Variants in VWF observed in about 807,000 individuals in gnomAD.
VWF encodes the protein von Willebrand factor, also known as Factor VIII related antigen.
Under a neutral mutation model 308.6 loss-of-function variants are expected in VWF, and 176 were observed. The observed-to-expected ratio is 0.57, with a 90% CI of 0.50 to 0.65. The LOEUF (loss-of-function observed/expected upper bound fraction) is 0.65, where lower values mean the gene tolerates loss of function less well. Ranked by LOEUF, VWF falls within the 30% of genes least tolerant of loss-of-function variation. The pLI, the probability that VWF is intolerant of heterozygous loss-of-function variation, is 0.00. For synonymous variants in VWF, 1,385 were observed against 1,443.4 expected, an observed-to-expected ratio of 0.96 and a Z score of 0.92; for missense variants, 3,146 against 3,648.2, an observed-to-expected ratio of 0.86 and a Z score of 3.55.
intron 16 of VWF, 67 bp downstream of exon 16, chr12:6,052,476 T>TG: frequency 6.2e-7 from 1 of 1,612,510 alleles, no homozygotes; most frequent in Non-Finnish European, 8.5e-7. Context: ...GTAAAGGACT[T>TG]GGGGGTCCCG....
intron 34 of VWF, among the ~76,000 whole-genome samples, chr12:5,998,407 A>G (rs1943830380): frequency 7.2e-6 from 1 of 138,814 alleles, no homozygotes. Flanking sequence ...CTGAGGCAGG[A>G]GACTGGCGTG....
rs555706036 is a variant in VWF at position 6,124,457 on chromosome 12, G to A, written c.-37C>T. 1 of 152,854 alleles carries A rather than the reference G, an allele frequency of 6.5e-6. No homozygotes were observed. The highest frequency in any genetic ancestry group is 2.1e-4 in the South Asian group (1 of 4,840). The allele number at this position is 152,854 out of a possible 1,614,324, so 9.5% of individuals were successfully genotyped here. ...AATGAGGGCTGCGGCTATCTCCAAG[G>A]TCCCTGGGAAACTCAGCTGCTGGAC... On this transcript the variant is annotated 5_prime_UTR_variant, in exon 1 of 52. Coordinates refer to ENST00000261405, the MANE Select transcript of VWF (RefSeq NM_000552.5).
chr12:6,073,410 G>A (rs887017157), intron 8 of VWF, among the ~76,000 whole-genome samples: 5 of 152,178 alleles, frequency 3.3e-5, no homozygotes, highest in South Asian at 2.1e-4. Flanking sequence ...ACACAAGTGC[G>A]TTCATGGATA....
At chr12:5,990,166 T>C (rs955241705) in intron 38 of VWF, among the ~76,000 whole-genome samples, 2 of 152,180 alleles carry the variant, frequency 1.3e-5, no homozygotes, top group South Asian at 4.1e-4. Context: ...TCACTATAAG[T>C]GACTATAAGT....
At chr12:6,013,384 G>A in intron 32 of VWF, 97 bp downstream of exon 32, 1 of 1,465,438 alleles carries the variant, frequency 6.8e-7, no homozygotes, top group Non-Finnish European at 9.5e-7. Context: ...TTATGCATGG[G>A]CACCCTGGGG....
At chr12:6,052,840 G>A in intron 15 of VWF, 57 bp from the exon 16 acceptor site, 1 of 1,580,988 alleles carries the variant, frequency 6.3e-7, no homozygotes, top group Non-Finnish European at 8.6e-7. Flanking sequence ...CAAGGACTGT[G>A]GTTCTAGGAC....
At chr12:6,000,459 A>T (rs1943858211) in intron 34 of VWF, among the ~76,000 whole-genome samples, 1 of 152,204 alleles carries the variant, frequency 6.6e-6, no homozygotes, top group African/African-American at 2.4e-5. Context: ...ATAGAAAAAC[A>T]GTTTTAAATA....
intron 16 of VWF, among the ~76,000 whole-genome samples, chr12:6,048,715 G>A (rs918576841): frequency 7.0e-6 from 1 of 142,826 alleles, no homozygotes; most frequent in Non-Finnish European, 1.5e-5. Context: ...CGCCCACCTC[G>A]GCCTCCCAAA....
intron 3 of VWF, among the ~76,000 whole-genome samples, chr12:6,118,464 A>T (rs12826041): frequency 3.4e-5 from 5 of 145,884 alleles, no homozygotes; most frequent in African/African-American, 7.7e-5. Flanking sequence ...CTCGGCTCAC[A>T]GCAACCTCCA....
At chr12:6,013,439 ACT>A (rs1491511442) in intron 32 of VWF, 40 bp downstream of exon 32, 1 of 1,610,984 alleles carries the variant, frequency 6.2e-7, no homozygotes, top group Non-Finnish European at 8.5e-7. Flanking sequence ...TTATTTTGGA[ACT>A]TTTTTTTGAG....
At chr12:6,118,376 C>CTTTTT (rs71064189) in intron 3 of VWF, among the ~76,000 whole-genome samples, 1 of 65,486 alleles carries the variant, frequency 1.5e-5, no homozygotes, top group Non-Finnish European at 3.1e-5. Context: ...CCTCTGGTCA[C>CTTTTT]TTTTTTTTTT....
chr12:6,048,822 A>G (rs216301), intron 16 of VWF, among the ~76,000 whole-genome samples: 135,316 of 152,292 alleles, frequency 0.89, 60,207 homozygotes, highest in Middle Eastern at 0.92. Flanking sequence ...TCTGTTGAAT[A>G]AACAAGAGAA....
intron 5 of VWF, among the ~76,000 whole-genome samples, chr12:6,103,313 C>A (rs1185015200): frequency 2.0e-5 from 3 of 150,262 alleles, no homozygotes; most frequent in Non-Finnish European, 3.0e-5. Flanking sequence ...GGCAACAGAG[C>A]GAGACTCCGT....
At chr12:6,110,069 T>C (rs908051195) in intron 5 of VWF, among the ~76,000 whole-genome samples, 1 of 152,172 alleles carries the variant, frequency 6.6e-6, no homozygotes, top group Non-Finnish European at 1.5e-5. Context: ...TTTTATCCAC[T>C]CCACTGTAGT....
chr12:5,964,574 A>G (rs555251507), intron 47 of VWF, among the ~76,000 whole-genome samples: 18 of 152,196 alleles, frequency 1.2e-4, no homozygotes, highest in Non-Finnish European at 2.4e-4. Flanking sequence ...CTTTTCTATT[A>G]TGAATCACCA....
intron 3 of VWF, among the ~76,000 whole-genome samples, chr12:6,112,152 A>G (rs1263838419): frequency 6.6e-6 from 1 of 152,096 alleles, no homozygotes; most frequent in Non-Finnish European, 1.5e-5. Context: ...ATAAGGACAC[A>G]CTAAATGGTT....
At chr12:5,990,887 AAAAAAAAAAAAAAAAAAAAAAT>A (rs1331445497) in intron 38 of VWF, among the ~76,000 whole-genome samples, 3 of 125,964 alleles carry the variant, frequency 2.4e-5, no homozygotes, top group African/African-American at 8.4e-5. Flanking sequence ...AAAAAAAAAA[AAAAAAAAAAAAAAAAAAAAAAT>A]TTTGATGACT....
At chr12:6,095,175 A>G in intron 6 of VWF, 2 of 419,190 alleles carry the variant, frequency 4.8e-6, no homozygotes, top group South Asian at 2.1e-5. Context: ...CTCCAGAACT[A>G]TAAAAGATAA....
intron 14 of VWF, 109 bp downstream of exon 14, chr12:6,057,740 T>C: frequency 7.4e-7 from 1 of 1,342,478 alleles, no homozygotes; most frequent in Non-Finnish European, 1.0e-6. Context: ...CTTTCCTCGC[T>C]CCCCGCCCCC....
Sources: allele counts gnomAD v4.1 joint callset (sites outside exome capture counted in the v4.1 genomes callset), GRCh38; gene constraint gnomAD v4.1.1; transcripts MANE v1.5; gene names NCBI Gene and HGNC (gene_info 2026-07-23, HGNC 2026-07-21).